Variants in LCOR observed in about 807,000 individuals in gnomAD.
LCOR encodes the protein ligand-dependent corepressor.
In LCOR, 14 loss-of-function variants were observed where a neutral mutation model predicts 64.4. The observed-to-expected ratio is 0.22, with a 90% CI of 0.14 to 0.34. The LOEUF is 0.34. Ranked by LOEUF, LCOR falls within the 10% of genes least tolerant of loss-of-function variation. The pLI is 1.00. For missense variants in LCOR, 1,686 were observed against 1,765.3 expected, an observed-to-expected ratio of 0.96 and a Z score of 0.80; for synonymous variants, 643 against 642.5, an observed-to-expected ratio of 1.00 and a Z score of -0.01.
At position 96,985,256 on chromosome 10, in the gene LCOR, G is replaced by A. The variant is rs938885455; in HGVS notation, c.*122G>A. 1.5e-5 allele frequency: 19 copies of A among 1,234,912 alleles called. No homozygotes were observed. The highest frequency in any genetic ancestry group is 1.2e-4 in the African/African-American group (8 of 65,050). 76.5% of individuals were successfully genotyped at this position (1,234,912 alleles called of 1,614,324 possible). On this transcript the variant is annotated 3_prime_UTR_variant, in exon 8 of 8. Coordinates refer to ENST00000421806, the MANE Select transcript of LCOR (RefSeq NM_001346516.2). The stretch of plus-strand genomic sequence containing the variant: ...AAATTTACAGTTAATGGAGAACACC[G>A]TAATTTGAGATGTCAGAAAATGCAT...
chr10:96,840,638 A>G (rs1252354277), intron 2 of LCOR, among the ~76,000 whole-genome samples: 2 of 152,364 alleles, frequency 1.3e-5, no homozygotes, highest in East Asian at 3.9e-4. Context: ...AAAGAAAAAT[A>G]GAGATGGGGT....
intron 5 of LCOR, among the ~76,000 whole-genome samples, chr10:96,945,754 A>C: frequency 6.6e-6 from 1 of 152,076 alleles, no homozygotes; most frequent in East Asian, 1.9e-4. Context: ...TGAAAAGAGG[A>C]CTTCCTCTCC....
intron 4 of LCOR, among the ~76,000 whole-genome samples, chr10:96,918,993 C>T (rs770320789): frequency 3.3e-5 from 5 of 152,080 alleles, no homozygotes; most frequent in South Asian, 2.1e-4. Context: ...TCTAGCAGTG[C>T]GTTAAGTATA....
intron 7 of LCOR, among the ~76,000 whole-genome samples, chr10:96,979,359 T>C (rs549120795): frequency 6.6e-6 from 1 of 152,332 alleles, no homozygotes; most frequent in Non-Finnish European, 1.5e-5. Context: ...GCACACCGAC[T>C]GCATGGGTTC....
In LCOR at chr10:96,991,594, C is replaced by G. The variant is rs886533460; in HGVS notation, c.*6460C>G. 3.3e-5 allele frequency: 5 copies of G among 152,216 alleles called. No individual in the cohort carries two copies. The highest frequency in any genetic ancestry group is 1.2e-4 in the African/African-American group (5 of 41,450). 9.4% of individuals were successfully genotyped at this position (152,216 alleles called of 1,614,324 possible). ...GTATCATATACTTGAAGGTTTCTCA[C>G]TCTTCAAGCTCTGGTCGTGATATGA... is the stretch of plus-strand genomic sequence containing the variant. On this transcript the variant is annotated 3_prime_UTR_variant, in exon 8 of 8. Coordinates refer to ENST00000421806, the MANE Select transcript of LCOR (RefSeq NM_001346516.2).
At chr10:96,948,550 T>G (rs1847624802) in intron 5 of LCOR, among the ~76,000 whole-genome samples, 1 of 152,228 alleles carries the variant, frequency 6.6e-6, no homozygotes, top group Non-Finnish European at 1.5e-5. Context: ...ATAATCTTGG[T>G]ATGCCTTCTG....
chr10:96,963,221 A>C (rs534163901), intron 7 of LCOR: 1 of 138,110 alleles, frequency 7.2e-6, no homozygotes, highest in African/African-American at 3.5e-5. Flanking sequence ...GTATTTTTTA[A>C]AAAAAGCGCA....
Position 96,949,283 on chromosome 10 carries a change from C to T in LCOR, c.226C>T (p.Pro76Ser), listed in dbSNP as rs1184454515. 6.2e-7 allele frequency: 1 copy of T among 1,613,942 alleles called. No homozygotes were observed. The highest frequency in any genetic ancestry group is 1.1e-5 in the South Asian group (1 of 91,072). ...TACTGTCAGAAAGTCTCAGTCAGAA[C>T]CTAGCGAACAAGGTATGGTTTGATG... is the stretch of plus-strand genomic sequence containing the variant. ...DLTVRKSQSE[P>S]SEQDGVLDLS... The change falls in exon 6 of 8, where the codon CCT (proline) becomes TCT (serine). Residue 76 changes from proline (P) to serine (S), a missense_variant. Transcript: ENST00000421806.
At chr10:96,923,273 A>C (rs2134477389) in intron 4 of LCOR, among the ~76,000 whole-genome samples, 1 of 152,324 alleles carries the variant, frequency 6.6e-6, no homozygotes, top group Admixed American at 6.5e-5. Context: ...AGTCTTTGCT[A>C]ACATAATTAT....
chr10:96,863,465 A>T (rs967387125), intron 2 of LCOR, among the ~76,000 whole-genome samples: 1 of 151,962 alleles, frequency 6.6e-6, no homozygotes. Flanking sequence ...CGGCCTCCCA[A>T]AGTGCTGGGA....
Position 96,985,042 on chromosome 10 carries a change from ACCC to A in LCOR, c.4584_4586del (p.Pro1529del), listed in dbSNP as rs1271863397. On this transcript the variant is annotated inframe_deletion, in exon 8 of 8. Transcript: ENST00000421806. ...GACTCGGGCCAGACCCTCAACGAAA[ACCC>A]CAGAGAGCAGTGCAGCTCAGAGAAA... 5.0e-6 allele frequency: 8 copies of A among 1,613,982 alleles called. No individual in the cohort carries two copies. The highest frequency in any genetic ancestry group is 6.8e-6 in the Non-Finnish European group (8 of 1,180,030).
At chr10:96,873,570 ACGTGTGTGTGTG>A (rs1255795431) in intron 2 of LCOR, among the ~76,000 whole-genome samples, 2 of 66,392 alleles carry the variant, frequency 3.0e-5, no homozygotes, top group Admixed American at 3.7e-4. Flanking sequence ...ACACACACAC[ACGTGTGTGTGTG>A]TGTGTGTGTG....
intron 2 of LCOR, among the ~76,000 whole-genome samples, chr10:96,890,886 C>A (rs903124433): frequency 1.3e-5 from 2 of 152,168 alleles, no homozygotes; most frequent in African/African-American, 4.8e-5. Context: ...ACCAGCCTTG[C>A]ATCTCTGGGA....
intron 2 of LCOR, among the ~76,000 whole-genome samples, chr10:96,837,242 G>C (rs966044649): frequency 6.6e-6 from 1 of 151,938 alleles, no homozygotes; most frequent in Non-Finnish European, 1.5e-5. Context: ...TGCCCGCCTT[G>C]GCCTCCCAAA....
At chr10:96,839,717 G>T (rs1265682220) in intron 2 of LCOR, among the ~76,000 whole-genome samples, 1 of 151,828 alleles carries the variant, frequency 6.6e-6, no homozygotes, top group Admixed American at 6.6e-5. Context: ...ACGAAGTCTG[G>T]CTCTGTTGCC....
Position 96,983,449 on chromosome 10 carries a change from G to A in LCOR, c.2989G>A (p.Glu997Lys), listed in dbSNP as rs778351999. ...VEEAVNEVDN[E>K]NTQQKDDESD... ...GGAGGCTGTGAATGAGGTAGACAAC[G>A]AAAACACCCAGCAGAAAGATGATGA... Residue 997 changes from glutamate (E) to lysine (K), a missense_variant, in exon 8 of 8, where the codon GAA (glutamate) becomes AAA (lysine). Glu to Lys is a moderately conservative substitution (Grantham distance 56, BLOSUM62 1). Coordinates refer to ENST00000421806, the MANE Select transcript of LCOR (RefSeq NM_001346516.2). This position sits in a 1 kb window ranked among gnomAD's most constrained non-coding sequence, Gnocchi z 4.5. The A allele has an allele frequency of 5.0e-6, 8 of 1,614,172 alleles. No homozygotes were observed. Among genetic ancestry groups the A allele is most frequent in the African/African-American group, 1.3e-5 (1 of 75,054 alleles).
intron 2 of LCOR, among the ~76,000 whole-genome samples, chr10:96,901,256 C>G (rs558497625): frequency 3.9e-5 from 6 of 152,242 alleles, no homozygotes; most frequent in Non-Finnish European, 5.9e-5. Flanking sequence ...TGGACTCAAG[C>G]AGTCCTTCCA....
chr10:96,849,695 G>A (rs759730626), intron 2 of LCOR, among the ~76,000 whole-genome samples: 37 of 151,986 alleles, frequency 2.4e-4, no homozygotes, highest in Middle Eastern at 3.2e-3. Context: ...ACATCCTCCC[G>A]GTGCTTTTCA....
chr10:96,857,690 C>T (rs903321363), intron 2 of LCOR, among the ~76,000 whole-genome samples: 16 of 152,106 alleles, frequency 1.1e-4, no homozygotes, highest in African/African-American at 3.4e-4. Context: ...AAGTATCGAT[C>T]GCTTGAACAA....
Sources: gnomAD v4.1 joint callset for allele counts (sites outside exome capture counted in the v4.1 genomes callset) on GRCh38, gnomAD v4.1.1 for gene constraint, Gnocchi (gnomAD v3.1) non-coding constraint, MANE v1.5 for transcripts, NCBI Gene and HGNC (gene_info 2026-07-23, HGNC 2026-07-21) for gene names.